DAB1: variants seen among roughly 807,000 people sequenced by gnomAD.
DAB1 encodes disabled homolog 1.
DAB1 carries 15 observed loss-of-function variants against 64.6 expected under a neutral mutation model. That is an observed-to-expected ratio of 0.23 (90% CI 0.16 to 0.36). The LOEUF is 0.36. DAB1 is among the 10% of genes least tolerant of loss of function. DAB1 has a pLI of 1.00. For synonymous variants in DAB1, 235 were observed against 251.9 expected (o/e 0.93, Z 0.64); for missense variants, 596 against 706.7 (o/e 0.84, Z 1.78).
intron 9 of DAB1, among the ~76,000 whole-genome samples, chr1:57,056,504 C>CAAAAAAAAAA (rs71051216): frequency 2.3e-5 from 2 of 87,012 alleles, no homozygotes; most frequent in Non-Finnish European, 4.4e-5. Context: ...GAGCCTGTCT[C>CAAAAAAAAAA]AAAAAAAAAA....
chr1:58,268,041 G>A lies in DAB1; in HGVS notation n.309+75311C>T, dbSNP rs11808878. 5.4e-3 allele frequency among the ~76,000 whole-genome samples: 822 copies of A among 151,746 alleles called. 8 individuals carry two copies. Among genetic ancestry groups the A allele is most frequent in the African/African-American group, 0.019 (783 of 41,416 alleles). ...TGTCGCAGAGGAGAGTTGCATGCTTGGGCTTTGCGATCAGAGATCTAGATT... is the reference window on the plus strand; with the variant it reads ...TGTCGCAGAGGAGAGTTGCATGCTTAGGCTTTGCGATCAGAGATCTAGATT... On this transcript the variant is annotated intron_variant and non_coding_transcript_variant, in intron 4 of 20. Transcript: ENST00000485760.
At chr1:58,092,732 T>C (rs1650744758) in intron 5 of DAB1, among the ~76,000 whole-genome samples, 1 of 152,080 alleles carries the variant, frequency 6.6e-6, no homozygotes, top group Non-Finnish European at 1.5e-5. Context: ...GGTGCTCAAA[T>C]AAAATCAGGT....
intron 5 of DAB1, among the ~76,000 whole-genome samples, chr1:57,942,020 A>G (rs943625530): frequency 1.3e-5 from 2 of 152,080 alleles, no homozygotes; most frequent in African/African-American, 4.8e-5. Context: ...GTGTTTCAAT[A>G]TTTTTTCTTT....
chr1:57,695,417 A>G (rs1646831607), intron 6 of DAB1, among the ~76,000 whole-genome samples: 1 of 147,978 alleles, frequency 6.8e-6, no homozygotes, highest in Non-Finnish European at 1.5e-5. Flanking sequence ...AGAAAGAAAG[A>G]AAGAAAGAAA....
intron 4 of DAB1, among the ~76,000 whole-genome samples, chr1:58,185,208 G>A (rs1453028859): frequency 6.6e-6 from 1 of 152,154 alleles, no homozygotes; most frequent in East Asian, 1.9e-4. Context: ...CTGTCTCAAA[G>A]TAACCCTTCC....
intron 1 of DAB1, among the ~76,000 whole-genome samples, chr1:57,342,950 G>C (rs1382731261): frequency 1.3e-5 from 2 of 152,170 alleles, no homozygotes; most frequent in African/African-American, 4.8e-5. Flanking sequence ...TTATTGCAAA[G>C]AGAGAAAGAA....
At chr1:58,129,243 G>A (rs1336784043) in intron 5 of DAB1, among the ~76,000 whole-genome samples, 35 of 151,450 alleles carry the variant, frequency 2.3e-4, no homozygotes, top group East Asian at 5.9e-4. Context: ...GTTTATTTGC[G>A]TAGAGGTGTT....
chr1:58,435,810 T>C (rs1263158460), intron 3 of DAB1, among the ~76,000 whole-genome samples: 1 of 152,228 alleles, frequency 6.6e-6, no homozygotes, highest in Non-Finnish European at 1.5e-5. Flanking sequence ...GTTAAACTGT[T>C]CCATAATTTA....
At chr1:57,238,669 C>T (rs1453935545) in intron 2 of DAB1, among the ~76,000 whole-genome samples, 3 of 152,144 alleles carry the variant, frequency 2.0e-5, no homozygotes, top group African/African-American at 7.2e-5. Flanking sequence ...TAGTTAATCC[C>T]TTCCTCCAGG....
intron 3 of DAB1, among the ~76,000 whole-genome samples, chr1:58,467,605 T>A (rs949898248): frequency 6.6e-6 from 1 of 152,208 alleles, no homozygotes; most frequent in Non-Finnish European, 1.5e-5. Flanking sequence ...TGCTACTCGG[T>A]GCAGTAAAAG....
chr1:57,355,280 T>A (rs1374600629), intron 1 of DAB1, among the ~76,000 whole-genome samples: 1 of 151,926 alleles, frequency 6.6e-6, no homozygotes, highest in Non-Finnish European at 1.5e-5. Flanking sequence ...GGCATACATT[T>A]TTTTTTCCAT....
intron 3 of DAB1, among the ~76,000 whole-genome samples, chr1:58,421,168 T>C (rs1247980265): frequency 1.3e-5 from 2 of 152,212 alleles, no homozygotes; most frequent in East Asian, 3.8e-4. Flanking sequence ...ATTATGTGTC[T>C]ATTATCACCA....
chr1:57,198,013 G>T (rs1199580782), intron 2 of DAB1, among the ~76,000 whole-genome samples: 1 of 152,042 alleles, frequency 6.6e-6, no homozygotes. Context: ...AACCCTCTTT[G>T]CACATAAAAT....
intron 4 of DAB1, among the ~76,000 whole-genome samples, chr1:57,117,211 TA>T (rs1338434161): frequency 6.6e-6 from 1 of 152,140 alleles, no homozygotes; most frequent in African/African-American, 2.4e-5. Flanking sequence ...GTACTGCATA[TA>T]AAAAAGCGCT....
At chr1:57,880,640 C>T (rs967475466) in intron 1 of DAB1, 2 of 152,120 alleles carry the variant, frequency 1.3e-5, no homozygotes, top group Non-Finnish European at 2.9e-5. Context: ...GTTATCGAAT[C>T]GAAAAACAAG....
intron 7 of DAB1, among the ~76,000 whole-genome samples, chr1:57,457,262 CTG>C (rs1223924200): frequency 6.6e-6 from 1 of 152,102 alleles, no homozygotes; most frequent in Non-Finnish European, 1.5e-5. Context: ...GGACTAAGAA[CTG>C]TGTGCACCAA....
At chr1:58,238,260 G>A (rs1285424393) in intron 4 of DAB1, among the ~76,000 whole-genome samples, 1 of 152,210 alleles carries the variant, frequency 6.6e-6, no homozygotes, top group Non-Finnish European at 1.5e-5. Context: ...ATCCAGGGAA[G>A]TCACCTCACC....
chr1:57,580,692 T>C (rs1184799542), intron 7 of DAB1, among the ~76,000 whole-genome samples: 1 of 152,160 alleles, frequency 6.6e-6, no homozygotes, highest in Non-Finnish European at 1.5e-5. Flanking sequence ...TTTGGACTAA[T>C]GATAATTATA....
At chr1:57,956,551 A>G (rs190651655) in intron 5 of DAB1, among the ~76,000 whole-genome samples, 17 of 152,354 alleles carry the variant, frequency 1.1e-4, no homozygotes, top group Admixed American at 9.8e-4. Flanking sequence ...GGGCAGGCAC[A>G]GAAGGGTGGA....
Sources: allele counts gnomAD v4.1 joint callset (sites outside exome capture counted in the v4.1 genomes callset), GRCh38; gene constraint gnomAD v4.1.1; transcripts MANE v1.5; gene names NCBI Gene and HGNC (gene_info 2026-07-23, HGNC 2026-07-21).